The following NFIB variants were observed in gnomAD, a reference collection of about 807,000 sequenced individuals.
NFIB encodes nuclear factor I B.
NFIB carries 11 observed loss-of-function variants against 61.5 expected under a neutral mutation model. The observed-to-expected ratio is 0.18, with a 90% confidence interval of 0.11 to 0.30. The LOEUF (loss-of-function observed/expected upper bound fraction) is 0.30. Ranked by LOEUF, NFIB falls within the 10% of genes least tolerant of loss-of-function variation. The pLI is 1.00. For missense variants in NFIB, 471 were observed against 608.9 expected (o/e 0.77, Z 2.38); for synonymous variants, 260 against 216.5 (o/e 1.20, Z -1.76).
chr9:14,427,934 G>GTTTTTTTTTTTTTTTTTTTTTTTT, the NFIB span, among the ~76,000 whole-genome samples: 61 of 25,966 alleles, frequency 2.3e-3, 1 homozygote, highest in Non-Finnish European at 4.0e-3. Context: ...CTTTAATTCA[G>GTTTTTTTTTTTTTTTTTTTTTTTT]TTGTTTTTTT....
At chr9:14,203,654 C>T (rs899753453) in intron 2 of NFIB, among the ~76,000 whole-genome samples, 2 of 152,222 alleles carry the variant, frequency 1.3e-5, no homozygotes, top group African/African-American at 4.8e-5. Context: ...TCACCAAGGG[C>T]AAAGGCCAAC....
At chr9:14,400,734 G>T (rs1031462723), upstream of NFIB, among the ~76,000 whole-genome samples, 1 of 152,226 alleles carries the variant, frequency 6.6e-6, no homozygotes, top group African/African-American at 2.4e-5. Context: ...GAAAGCGATA[G>T]GCTCTTCCTC....
chr9:14,097,968 C>T (rs2035132505), intron 10 of NFIB, among the ~76,000 whole-genome samples: 1 of 144,378 alleles, frequency 6.9e-6, no homozygotes, highest in African/African-American at 2.6e-5. Flanking sequence ...AATCAAGCAA[C>T]TCTCTAGAAT....
At chr9:14,225,331 A>G (rs1481027655) in intron 2 of NFIB, among the ~76,000 whole-genome samples, 2 of 151,876 alleles carry the variant, frequency 1.3e-5, no homozygotes, top group Non-Finnish European at 2.9e-5. Flanking sequence ...CCTCCTCAAG[A>G]AGAAAATAGG....
At chr9:14,409,174 T>C in the NFIB span, among the ~76,000 whole-genome samples, 1 of 152,178 alleles carries the variant, frequency 6.6e-6, no homozygotes, top group African/African-American at 2.4e-5. Context: ...AATAATAACA[T>C]ATAGCCAAAT....
At position 14,296,490 on chromosome 9, in the gene NFIB, C is replaced by T. The variant is rs545357238; in HGVS notation, c.562+10499G>A. On this transcript the variant is annotated intron_variant, in intron 2 of 10. Coordinates refer to ENST00000380953, the MANE Select transcript of NFIB (RefSeq NM_001190737.2). Reference sequence around the variant, plus strand: ...AAATTCCTACGTTGAAATCCTAACCCCCAATCTGATGGTATTAGGAGGTGG... The same window carrying T: ...AAATTCCTACGTTGAAATCCTAACCTCCAATCTGATGGTATTAGGAGGTGG... Among the ~76,000 whole-genome samples the T allele has an allele frequency of 6.6e-5, 10 of 152,302 alleles. No homozygotes were observed. The South Asian group carries it at 2.1e-3, about 32-fold the overall frequency.
At chr9:14,437,274 T>C in the NFIB span, among the ~76,000 whole-genome samples, 3 of 152,336 alleles carry the variant, frequency 2.0e-5, no homozygotes, top group East Asian at 3.9e-4. Flanking sequence ...AGCAGGAGAA[T>C]CTTATAGCTA....
At chr9:14,095,314 T>C (rs1412312276) in intron 10 of NFIB, among the ~76,000 whole-genome samples, 1 of 152,126 alleles carries the variant, frequency 6.6e-6, no homozygotes, top group Non-Finnish European at 1.5e-5. Context: ...TAAATTACAG[T>C]ACACACATGC....
the NFIB span, among the ~76,000 whole-genome samples, chr9:14,489,483 A>G: frequency 1.3e-5 from 2 of 152,146 alleles, no homozygotes; most frequent in East Asian, 3.8e-4. Context: ...CTATCTTTGT[A>G]TTCACTCATT....
Position 14,344,108 on chromosome 9 carries a change from AAGAGAGAGAG to A in NFIB, c.109-36598_109-36589del, listed in dbSNP as rs149708104. Among the ~76,000 whole-genome samples the A allele has an allele frequency of 2.9e-4, 41 of 141,556 alleles. 1 individual carries two copies. Among genetic ancestry groups the A allele is most frequent in the African/African-American group, 2.9e-4 (11 of 38,074 alleles). The allele number at this position is 141,556 out of a possible 152,430, so 92.9% of individuals were successfully genotyped here. On this transcript the variant is annotated intron_variant, in intron 1 of 8. Transcript: ENST00000380934. ...TTAAAGAGAGGGAGAGAGAGAGAGA[AAGAGAGAGAG>A]AGAGAGAGAGAGAGAGAAACACTAA...
At chr9:14,499,661 G>A in the NFIB span, among the ~76,000 whole-genome samples, 21 of 152,236 alleles carry the variant, frequency 1.4e-4, no homozygotes, top group Middle Eastern at 3.4e-3. Context: ...GGGAATTGAC[G>A]GGCCCAAGCT....
At chr9:14,463,692 T>TCTCG in the NFIB span, among the ~76,000 whole-genome samples, 1,858 of 129,554 alleles carry the variant, frequency 0.014, 50 homozygotes, top group Non-Finnish European at 0.022. Flanking sequence ...TGAGACGGAG[T>TCTCG]CTCTGTCACC....
At chr9:14,354,470 G>C (rs936997805) in intron 1 of NFIB, among the ~76,000 whole-genome samples, 1 of 152,180 alleles carries the variant, frequency 6.6e-6, no homozygotes, top group African/African-American at 2.4e-5. Context: ...ATCTTCCCCA[G>C]AATTAGCAGA....
chr9:14,371,948 C>T lies in NFIB; in HGVS notation c.108+26576G>A, dbSNP rs185142083. ...TGTGCTAGAGCAGCTCCTGGATGCT[C>T]CCCACTCTGCTCCAATTGGTCATGG... On this transcript the variant is annotated intron_variant, in intron 1 of 8. Coordinates refer to the NFIB transcript ENST00000380934. Among the ~76,000 whole-genome samples the T allele has an allele frequency of 2.6e-3, 390 of 152,198 alleles. 1 individual carries two copies. Among genetic ancestry groups the T allele is most frequent in the Non-Finnish European group, 3.8e-3 (257 of 68,012 alleles).
At chr9:14,265,003 A>G (rs1039226625) in intron 2 of NFIB, among the ~76,000 whole-genome samples, 3 of 152,170 alleles carry the variant, frequency 2.0e-5, no homozygotes, top group African/African-American at 7.2e-5. Context: ...GTGTTAAGTG[A>G]GTAGAAAGAG....
At chr9:14,381,515 G>T (rs184366908) in intron 1 of NFIB, among the ~76,000 whole-genome samples, 1 of 152,306 alleles carries the variant, frequency 6.6e-6, no homozygotes, top group Admixed American at 6.5e-5. Flanking sequence ...AAACTGTAAC[G>T]ATTTTTTAAA....
At chr9:14,296,654 G>A (rs2059462295) in intron 2 of NFIB, among the ~76,000 whole-genome samples, 1 of 152,210 alleles carries the variant, frequency 6.6e-6, no homozygotes, top group Non-Finnish European at 1.5e-5. Context: ...CTGCCACCCG[G>A]AAGAGAGCCC....
chr9:14,110,430 C>T (rs972110183), intron 10 of NFIB, among the ~76,000 whole-genome samples: 1 of 152,002 alleles, frequency 6.6e-6, no homozygotes, highest in Non-Finnish European at 1.5e-5. Flanking sequence ...TAAAAGAACC[C>T]TCTCAGACTA....
the NFIB span, among the ~76,000 whole-genome samples, chr9:14,497,678 A>T: frequency 6.6e-6 from 1 of 152,212 alleles, no homozygotes; most frequent in African/African-American, 2.4e-5. Flanking sequence ...CCATGTGGTA[A>T]CTATCACTGT....
Sources: gnomAD v4.1 joint callset for allele counts (sites outside exome capture counted in the v4.1 genomes callset) on GRCh38, gnomAD v4.1.1 for gene constraint, MANE v1.5 for transcripts, NCBI Gene and HGNC (gene_info 2026-07-23, HGNC 2026-07-21) for gene names.